Variants in CALR3 observed in about 807,000 individuals in gnomAD.
CALR3 encodes calreticulin-3.
Under a neutral mutation model 48.7 loss-of-function variants are expected in CALR3, and 39 were observed. The observed-to-expected ratio is 0.80, with a 90% confidence interval of 0.62 to 1.05. CALR3 has a LOEUF of 1.05. Among genes scored for constraint, CALR3 ranks in the 50% least tolerant of loss-of-function variants. The pLI is 0.00. For synonymous variants in CALR3, 185 were observed against 172.7 expected (o/e 1.07, Z -0.56); for missense variants, 449 against 474.7 (o/e 0.95, Z 0.50).
intron 7 of CALR3, among the ~76,000 whole-genome samples, chr19:16,481,662 C>T (rs1293196006): frequency 2.0e-5 from 3 of 151,738 alleles, no homozygotes; most frequent in Non-Finnish European, 4.4e-5. Context: ...CCACACCCAG[C>T]TAATTTTTGT....
chr19:16,493,542 ATTTTTTTTTTTT>A (rs3032114), intron 2 of CALR3, among the ~76,000 whole-genome samples: 15 of 72,930 alleles, frequency 2.1e-4, no homozygotes, highest in Non-Finnish European at 3.8e-4. Flanking sequence ...TGAAGCTAGA[ATTTTTTTTTTTT>A]TTTTTTTTTT....
chr19:16,494,650 C>T (rs150757735), intron 2 of CALR3, among the ~76,000 whole-genome samples: 13 of 152,232 alleles, frequency 8.5e-5, no homozygotes, highest in East Asian at 1.9e-4. Flanking sequence ...CATGAGCCAC[C>T]GCGCCTGGCC....
At chr19:16,493,703 C>T (rs976254371) in intron 2 of CALR3, among the ~76,000 whole-genome samples, 2 of 151,556 alleles carry the variant, frequency 1.3e-5, no homozygotes, top group African/African-American at 4.9e-5. Flanking sequence ...GCCTATGCCA[C>T]CATGCTCGGC....
chr19:16,495,485 G>A (rs1394913392), intron 2 of CALR3, among the ~76,000 whole-genome samples: 2 of 149,154 alleles, frequency 1.3e-5, no homozygotes, highest in East Asian at 2.0e-4. Context: ...CTTGAACCCG[G>A]GAGGTGGAAG....
intron 3 of CALR3, 113 bp from the exon 4 acceptor site, chr19:16,485,370 G>C: frequency 1.4e-6 from 1 of 716,352 alleles, no homozygotes; most frequent in South Asian, 1.5e-5. Flanking sequence ...TGTCACCCAG[G>C]CTGGAGTGCA....
chr19:16,480,656 C>T lies in CALR3; in HGVS notation c.969G>A (p.Glu323=). 6 of 1,613,948 alleles carry T rather than the reference C, an allele frequency of 3.7e-6. No individual in the cohort carries two copies. The highest frequency in any genetic ancestry group is 5.1e-6 in the Non-Finnish European group (6 of 1,179,832). ...FDNFLITDDE[E]YADNFGKATW... ...TGGCCTTGCCAAAATTATCTGCGTA[C>T]TCTTCATCATCTGTGATCAGAAAGT... The change falls in exon 8 of 9, where the codon GAG becomes GAA. Residue 323 remains glutamate, a synonymous_variant. Transcript: ENST00000269881.
At chr19:16,487,899 C>T (rs1172978018) in intron 3 of CALR3, among the ~76,000 whole-genome samples, 9 of 151,326 alleles carry the variant, frequency 5.9e-5, no homozygotes, top group East Asian at 3.9e-4. Flanking sequence ...CTGCAAGCTC[C>T]GCCTCCCAGG....
chr19:16,489,436 T>C (rs983093401), intron 3 of CALR3, among the ~76,000 whole-genome samples: 3 of 152,110 alleles, frequency 2.0e-5, no homozygotes, highest in Admixed American at 6.6e-5. Flanking sequence ...CTGACCAACA[T>C]GGAGAAACCC....
chr19:16,480,757 T>C (rs901897297), intron 7 of CALR3, 51 bp from the exon 8 acceptor site: 1 of 1,295,650 alleles, frequency 7.7e-7, no homozygotes, highest in African/African-American at 1.5e-5. Flanking sequence ...CTTTATTATT[T>C]GTTTATTTTT....
chr19:16,486,770 T>G (rs2093389786), intron 3 of CALR3, among the ~76,000 whole-genome samples: 1 of 152,158 alleles, frequency 6.6e-6, no homozygotes, highest in Admixed American at 6.6e-5. Flanking sequence ...TAACTGTGCT[T>G]CCCTTGTCCT....
intron 4 of CALR3, 66 bp from the exon 5 acceptor site, chr19:16,484,181 T>TTC: frequency 8.5e-7 from 1 of 1,178,486 alleles, no homozygotes; most frequent in Non-Finnish European, 1.1e-6. Context: ...TTCTTTTCTT[T>TTC]TTTTTTTTTT....
intron 3 of CALR3, among the ~76,000 whole-genome samples, chr19:16,486,127 C>G (rs2093388617): frequency 6.6e-6 from 1 of 151,836 alleles, no homozygotes; most frequent in Non-Finnish European, 1.5e-5. Context: ...ACCAGCCTGG[C>G]CAACATGGTA....
At chr19:16,484,344 A>G (rs543401822) in intron 4 of CALR3, among the ~76,000 whole-genome samples, 1 of 151,476 alleles carries the variant, frequency 6.6e-6, no homozygotes, top group South Asian at 2.1e-4. Context: ...TGCCTGGGTA[A>G]TTTTTTGTGT....
intron 8 of CALR3, among the ~76,000 whole-genome samples, chr19:16,479,625 G>T (rs2093377427): frequency 6.6e-6 from 1 of 151,758 alleles, no homozygotes; most frequent in Non-Finnish European, 1.5e-5. Context: ...TGGGCGTGGT[G>T]GTGTGTGGCT....
rs921498420 is a variant in CALR3 at position 16,495,734 on chromosome 19, C to T, written c.193+17G>A. On this transcript the variant is annotated intron_variant, in intron 2 of 8. Coordinates refer to ENST00000269881, the MANE Select transcript of CALR3 (RefSeq NM_145046.5). ...AATGTAACATTAGGCTCAATTTGGTCCTGATTCTACACTAACCTTTATCTT... is the reference window on the plus strand; with the variant it reads ...AATGTAACATTAGGCTCAATTTGGTTCTGATTCTACACTAACCTTTATCTT... 19 of 1,593,858 alleles carry T rather than the reference C, an allele frequency of 1.2e-5. No homozygotes were observed. The highest frequency in any genetic ancestry group is 9.4e-5 in the African/African-American group (7 of 74,612).
chr19:16,489,356 C>T (rs1475990868), intron 3 of CALR3, among the ~76,000 whole-genome samples: 8 of 152,184 alleles, frequency 5.3e-5, no homozygotes, highest in Admixed American at 6.5e-5. Flanking sequence ...CAGTGGCTCA[C>T]GCCTGTAATC....
intron 2 of CALR3, among the ~76,000 whole-genome samples, chr19:16,493,809 C>T (rs1226763352): frequency 6.6e-6 from 1 of 151,792 alleles, no homozygotes; most frequent in South Asian, 2.1e-4. Flanking sequence ...CTCCCTGCAA[C>T]CTCCGCCTCC....
At chr19:16,491,185 C>T (rs1008248461) in intron 2 of CALR3, among the ~76,000 whole-genome samples, 19 of 151,070 alleles carry the variant, frequency 1.3e-4, no homozygotes, top group South Asian at 4.2e-4. Flanking sequence ...TGCAGTGGCA[C>T]GATCTCTGCC....
At position 16,484,029 on chromosome 19, in the gene CALR3, G is replaced by A. The variant is rs149108772; in HGVS notation, c.579C>T (p.Ser193=). The A allele has an allele frequency of 2.7e-5, 44 of 1,614,024 alleles. No homozygotes were observed. The highest frequency in any genetic ancestry group is 3.4e-5 in the Non-Finnish European group (40 of 1,180,004). The change falls in exon 5 of 9, where the codon TCC becomes TCT. Residue 193 remains serine (S), a synonymous_variant. Coordinates refer to ENST00000269881, the MANE Select transcript of CALR3 (RefSeq NM_145046.5). ...DVKIDGQSIE[S]GSIEYDWNLT... Reference sequence around the variant, plus strand: ...AGTTCCAGTCGTACTCTATGCTGCCGGATTCAATTGACTGACCATCAATTT... The same window carrying A: ...AGTTCCAGTCGTACTCTATGCTGCCAGATTCAATTGACTGACCATCAATTT...
Sources: allele counts gnomAD v4.1 joint callset (sites outside exome capture counted in the v4.1 genomes callset), GRCh38; gene constraint gnomAD v4.1.1; transcripts MANE v1.5; gene names NCBI Gene and HGNC (gene_info 2026-07-23, HGNC 2026-07-21).